CACNA1C: variants seen among roughly 807,000 people sequenced by gnomAD.
CACNA1C encodes voltage-dependent L-type calcium channel subunit alpha-1C.
A neutral mutation model predicts 229.0 loss-of-function variants in CACNA1C; 30 were observed. That is an observed-to-expected ratio of 0.13 (90% CI 0.10 to 0.18). The LOEUF (loss-of-function observed/expected upper bound fraction) is 0.18, where lower values mean the gene tolerates loss of function less well. Ranked by LOEUF, CACNA1C falls within the 10% of genes least tolerant of loss-of-function variation. The pLI, the probability that CACNA1C is intolerant of heterozygous loss-of-function variation, is 1.00. For synonymous variants in CACNA1C, 1,114 were observed against 1,132.5 expected (o/e 0.98, Z 0.33); for missense variants, 1,658 against 2,845.0 (o/e 0.58, Z 9.49).
intron 3 of CACNA1C, among the ~76,000 whole-genome samples, chr12:2,170,377 CAA>C (rs1398196610): frequency 5.3e-5 from 8 of 152,110 alleles, no homozygotes; most frequent in African/African-American, 1.9e-4. Context: ...CATTTTAGAG[CAA>C]GAGAGAGAAG....
chr12:2,506,107 C>T (rs1422674056), intron 8 of CACNA1C, among the ~76,000 whole-genome samples: 15 of 152,276 alleles, frequency 9.9e-5, no homozygotes, highest in Non-Finnish European at 5.9e-5. Flanking sequence ...TTCCACCTCC[C>T]ATGGAGAATG....
At chr12:2,157,447 C>A (rs2095610839) in intron 3 of CACNA1C, among the ~76,000 whole-genome samples, 1 of 152,232 alleles carries the variant, frequency 6.6e-6, no homozygotes, top group South Asian at 2.1e-4. Context: ...GGGCAGCACG[C>A]CCGGGGCGAA....
In CACNA1C at chr12:2,242,362, C is replaced by T. The variant is rs111329787; in HGVS notation, c.477+121932C>T. Among the ~76,000 whole-genome samples the T allele has an allele frequency of 7.2e-5, 11 of 152,278 alleles. 1 individual carries two copies. Among genetic ancestry groups the T allele is most frequent in the African/African-American group, 2.2e-4 (9 of 41,548 alleles). Reference sequence around the variant, plus strand: ...AAACTAGCTACTGACACTTGGCCTCCGTGCTGGAGGAACAATGGGGGACCA... The same window carrying T: ...AAACTAGCTACTGACACTTGGCCTCTGTGCTGGAGGAACAATGGGGGACCA... On this transcript the variant is annotated intron_variant, in intron 3 of 46. Transcript: ENST00000399655.
chr12:2,062,783 A>G (rs1447704913), intron 1 of CACNA1C, among the ~76,000 whole-genome samples: 2 of 151,718 alleles, frequency 1.3e-5, no homozygotes, highest in Non-Finnish European at 2.9e-5. Context: ...TTGCTTCACC[A>G]CCCATTCTTG....
chr12:2,443,483 G>T (rs568443796), intron 3 of CACNA1C, among the ~76,000 whole-genome samples: 1 of 152,008 alleles, frequency 6.6e-6, no homozygotes, highest in African/African-American at 2.4e-5. Flanking sequence ...GCAGTTGTTC[G>T]TACCTCCTCT....
At chr12:2,472,714 T>A (rs1022703522) in intron 5 of CACNA1C, among the ~76,000 whole-genome samples, 1 of 152,244 alleles carries the variant, frequency 6.6e-6, no homozygotes, top group Non-Finnish European at 1.5e-5. Flanking sequence ...ACTGCTTTTT[T>A]CCTTGACTAT....
Position 2,595,852 on chromosome 12 carries a change from T to A in CACNA1C, c.2664-22T>A, listed in dbSNP as rs2067922522. 2 of 1,610,634 alleles carry A rather than the reference T, an allele frequency of 1.2e-6. No individual in the cohort carries two copies. The highest frequency in any genetic ancestry group is 2.2e-5 in the South Asian group (2 of 90,622). On this transcript the variant is annotated intron_variant, in intron 19 of 46. Transcript: ENST00000399655. This position sits in a 1 kb window ranked among gnomAD's most constrained non-coding sequence, Gnocchi z 4.1. ...CTTGTCTGCCTTGACTTGTCTCTCC[T>A]CCTGTCCCCTCTCCCGTACAGGTTT...
intron 3 of CACNA1C, among the ~76,000 whole-genome samples, chr12:2,196,064 A>T (rs1357833479): frequency 1.3e-5 from 2 of 152,208 alleles, no homozygotes; most frequent in African/African-American, 2.4e-5. Flanking sequence ...TGTGGAGCTT[A>T]TTGGGATCCT....
chr12:2,628,633 G>A (rs897991287), intron 29 of CACNA1C, among the ~76,000 whole-genome samples: 7 of 152,138 alleles, frequency 4.6e-5, no homozygotes, highest in African/African-American at 1.7e-4. Context: ...CTGACCGGGC[G>A]CAGTGGCTCA....
intron 3 of CACNA1C, among the ~76,000 whole-genome samples, chr12:2,412,198 A>C (rs1470505719): frequency 6.6e-6 from 1 of 152,158 alleles, no homozygotes; most frequent in Non-Finnish European, 1.5e-5. Context: ...GCCCCACTGC[A>C]GGACGCCCAG....
chr12:2,517,772 T>TC (rs1206349966), intron 9 of CACNA1C, among the ~76,000 whole-genome samples: 1 of 152,200 alleles, frequency 6.6e-6, no homozygotes, highest in African/African-American at 2.4e-5. Flanking sequence ...GGGCTCATCT[T>TC]CCAGCTCCGA....
At chr12:2,267,171 C>T (rs538345612) in intron 3 of CACNA1C, among the ~76,000 whole-genome samples, 52 of 152,236 alleles carry the variant, frequency 3.4e-4, no homozygotes, top group African/African-American at 6.3e-4. Context: ...CCACGGTGGG[C>T]GCTTAAGAAA....
Position 2,593,232 on chromosome 12 carries a change from G to C in CACNA1C, c.2550G>C (p.Glu850Asp), listed in dbSNP as rs767204844. The part of the protein sequence containing the change: ...PETTGEEDEE[E>D]PEMPVGPRPR... ...TTACAGGAGAAGAGGATGAGGAGGA[G>C]CCAGAGATGCCTGTCGGCCCTCGCC... The change falls in exon 19 of 47, where the codon GAG (glutamate) becomes GAC (aspartate). Residue 850 changes from glutamate (E) to aspartate (D), a missense_variant. By Grantham distance (45) the Glu-to-Asp change is conservative. Transcript: ENST00000399655. The C allele has an allele frequency of 1.2e-5, 20 of 1,613,722 alleles. No individual in the cohort carries two copies. Among genetic ancestry groups the C allele is most frequent in the South Asian group, 6.6e-5 (6 of 90,936 alleles).
chr12:2,220,413 C>G (rs1226922051), intron 3 of CACNA1C: 1 of 152,340 alleles, frequency 6.6e-6, no homozygotes, highest in Non-Finnish European at 1.5e-5. Context: ...CTCTGCCCTC[C>G]CATGAGACAG....
intron 11 of CACNA1C, among the ~76,000 whole-genome samples, chr12:2,561,276 C>T (rs1366651092): frequency 6.6e-6 from 1 of 152,180 alleles, no homozygotes; most frequent in African/African-American, 2.4e-5. Context: ...AACTCATTTC[C>T]TCTGGGGACC....
chr12:2,648,534 C>G, intron 31 of CACNA1C, 27 bp downstream of exon 31: 2 of 1,612,034 alleles, frequency 1.2e-6, no homozygotes, highest in Non-Finnish European at 1.7e-6. Context: ...CGACCATGCT[C>G]CCGGCTTCCG....
chr12:2,499,961 C>A (rs978552251), intron 7 of CACNA1C, among the ~76,000 whole-genome samples: 5 of 152,128 alleles, frequency 3.3e-5, no homozygotes, highest in Non-Finnish European at 5.9e-5. Context: ...GTAGGTGGAC[C>A]AGAATAAAGA....
chr12:2,572,465 T>TC (rs2055779116), intron 13 of CACNA1C, among the ~76,000 whole-genome samples: 5 of 40,588 alleles, frequency 1.2e-4, no homozygotes, highest in Admixed American at 2.6e-4. Context: ...CTCCTCCTCC[T>TC]CTTCCTCCTT....
chr12:2,136,662 T>C (rs1253306564), intron 3 of CACNA1C, among the ~76,000 whole-genome samples: 1 of 151,028 alleles, frequency 6.6e-6, no homozygotes, highest in Admixed American at 6.6e-5. Context: ...GTAGGGGTCC[T>C]GGGGGCATGC....
Sources: gnomAD v4.1 joint callset for allele counts (sites outside exome capture counted in the v4.1 genomes callset) on GRCh38, gnomAD v4.1.1 for gene constraint, Gnocchi (gnomAD v3.1) non-coding constraint, MANE v1.5 for transcripts, NCBI Gene and HGNC (gene_info 2026-07-23, HGNC 2026-07-21) for gene names.